Variants in PDE6H observed in about 807,000 individuals in gnomAD.
The protein encoded by PDE6H is retinal cone rhodopsin-sensitive cGMP 3',5'-cyclic phosphodiesterase subunit gamma.
In PDE6H, 11 loss-of-function variants were observed where a neutral mutation model predicts 9.2. The ratio of observed to expected loss-of-function variants is 1.19; its 90% CI spans 0.75 to 1.97. PDE6H has a LOEUF of 1.97. Among genes scored for constraint, PDE6H ranks in the 30% most tolerant of loss-of-function variants. PDE6H has a pLI of 0.00. For missense variants in PDE6H, 98 were observed against 101.5 expected (o/e 0.97, Z 0.15); for synonymous variants, 36 against 33.6 (o/e 1.07, Z -0.25).
intron 3 of PDE6H, among the ~76,000 whole-genome samples, chr12:14,980,225 C>T (rs1459701094): frequency 6.6e-6 from 1 of 152,176 alleles, no homozygotes; most frequent in Non-Finnish European, 1.5e-5. Flanking sequence ...TAGTTAGACT[C>T]ATACAGTATA....
At chr12:14,975,277 A>G (rs1395287311) in intron 1 of PDE6H, among the ~76,000 whole-genome samples, 1 of 152,202 alleles carries the variant, frequency 6.6e-6, no homozygotes, top group Non-Finnish European at 1.5e-5. Context: ...ATGACTTTTT[A>G]AAGTATAAAT....
At chr12:14,980,283 T>G (rs527285483) in intron 3 of PDE6H, among the ~76,000 whole-genome samples, 55 of 152,332 alleles carry the variant, frequency 3.6e-4, no homozygotes, top group African/African-American at 1.3e-3. Flanking sequence ...TCATTTAAGG[T>G]TTCTCCATGT....
rs1488258366 is a variant in PDE6H, at chr12:14,981,502, A to G, written c.*26A>G. ...AGTGCCAGAGGTTCTGCCACTCTCAATGACATCTGCTGTAATTTTGGTTGC... is the reference window on the plus strand; with the variant it reads ...AGTGCCAGAGGTTCTGCCACTCTCAGTGACATCTGCTGTAATTTTGGTTGC... On this transcript the variant is annotated 3_prime_UTR_variant, in exon 4 of 4. Transcript: ENST00000266395. 1.2e-5 allele frequency: 18 copies of G among 1,544,624 alleles called. No homozygotes were observed. Among genetic ancestry groups the G allele is most frequent in the South Asian group, 2.2e-5 (2 of 89,768 alleles).
chr12:14,977,946 CT>C (rs921025869), intron 1 of PDE6H, 25 bp from the exon 2 acceptor site: 34 of 1,514,118 alleles, frequency 2.2e-5, no homozygotes, highest in East Asian at 9.0e-5. Flanking sequence ...GAAAGATCTT[CT>C]TTTTTTTATC....
intron 1 of PDE6H, among the ~76,000 whole-genome samples, chr12:14,976,124 C>T (rs112820976): frequency 6.6e-6 from 1 of 151,990 alleles, no homozygotes; most frequent in Non-Finnish European, 1.5e-5. Context: ...CTGGCCTGTT[C>T]AATTTCTAAA....
chr12:14,981,764 A>AT lies in PDE6H; in HGVS notation c.*293dup. On this transcript the variant is annotated 3_prime_UTR_variant, in exon 4 of 4. Transcript: ENST00000266395. The stretch of plus-strand genomic sequence containing the variant: ...GTTTATCTGTAAGTCCTTTAAATCT[A>AT]TTTTTGCTAGGCATTCATTATGATT... The AT allele has an allele frequency of 2.0e-6, 1 of 504,790 alleles. No homozygotes were observed. The highest frequency in any genetic ancestry group is 3.6e-6 in the Non-Finnish European group (1 of 279,436). The allele number at this position is 504,790 out of a possible 1,614,324, so 31.3% of individuals were successfully genotyped here.
At position 14,981,445 on chromosome 12, in the gene PDE6H, T is replaced by C. The variant is rs1346620125; in HGVS notation, c.221T>C (p.Leu74Ser). The change falls in exon 4 of 4, where the codon TTG becomes TCG. Residue 74 changes from leucine (L) to serine (S), a missense_variant. Physicochemically the swap from Leu to Ser is moderately radical, Grantham distance 145 (BLOSUM62 -2). Transcript: ENST00000266395. ...CPWEAFSHLELHELAQFGII is the reference protein window; with the variant it reads ...CPWEAFSHLESHELAQFGII ...TGGGAGGCATTCAGCCACCTGGAAT[T>C]GCATGAGCTCGCTCAGTTTGGGATT... 6.2e-7 allele frequency: 1 copy of C among 1,613,556 alleles called. No individual in the cohort carries two copies. Among genetic ancestry groups the C allele is most frequent in the African/African-American group, 1.3e-5 (1 of 75,046 alleles).
intron 3 of PDE6H, among the ~76,000 whole-genome samples, chr12:14,981,178 C>A (rs1447812433): frequency 6.6e-6 from 1 of 152,184 alleles, no homozygotes; most frequent in Non-Finnish European, 1.5e-5. Context: ...GGATCACCTC[C>A]CCAAAGAGGA....
At chr12:14,975,841 G>C (rs1864585603) in intron 1 of PDE6H, among the ~76,000 whole-genome samples, 1 of 126,256 alleles carries the variant, frequency 7.9e-6, no homozygotes, top group African/African-American at 3.1e-5. Flanking sequence ...TTTTTTTGGA[G>C]ACGGGGTCTT....
intron 1 of PDE6H, among the ~76,000 whole-genome samples, chr12:14,976,196 C>T (rs998389675): frequency 6.6e-6 from 1 of 152,108 alleles, no homozygotes; most frequent in Non-Finnish European, 1.5e-5. Context: ...ACACCATGCA[C>T]TGTTGTAGGT....
At chr12:14,976,913 T>C (rs939129426) in intron 1 of PDE6H, among the ~76,000 whole-genome samples, 10 of 152,202 alleles carry the variant, frequency 6.6e-5, no homozygotes, top group African/African-American at 2.2e-4. Context: ...GAAAATAACG[T>C]CATCCAAAAT....
intron 3 of PDE6H, among the ~76,000 whole-genome samples, chr12:14,979,439 A>G (rs920270404): frequency 2.6e-5 from 4 of 152,226 alleles, no homozygotes; most frequent in Non-Finnish European, 1.5e-5. Flanking sequence ...AAAATTTCAT[A>G]AACCTTCTTG....
chr12:14,980,604 C>A lies in PDE6H; in HGVS notation c.176-796C>A, dbSNP rs553771085. ...TGAATTTTCCAGCCATGTTATAAAG[C>A]AAATTTTCTATTCTTTTAGATCAAC... On this transcript the variant is annotated intron_variant, in intron 3 of 3. Coordinates refer to ENST00000266395, the MANE Select transcript of PDE6H (RefSeq NM_006205.3). 5.9e-5 allele frequency among the ~76,000 whole-genome samples: 9 copies of A among 152,282 alleles called. No individual in the cohort carries two copies. In the East Asian group the frequency reaches 1.5e-3, roughly 26 times the overall value.
chr12:14,974,402 G>A (rs1035990152), intron 1 of PDE6H, among the ~76,000 whole-genome samples: 1 of 152,152 alleles, frequency 6.6e-6, no homozygotes, highest in Non-Finnish European at 1.5e-5. Context: ...GGGATTAGTC[G>A]ACTGTTCCGG....
At position 14,981,667 on chromosome 12, in the gene PDE6H, G is replaced by A; in HGVS notation, c.*191G>A. Reference sequence around the variant, plus strand: ...CTCTCTTGCAGTACAGCTCAAAATAGTGGATGCATTTCAAACTTGACCACC... The same window carrying A: ...CTCTCTTGCAGTACAGCTCAAAATAATGGATGCATTTCAAACTTGACCACC... On this transcript the variant is annotated 3_prime_UTR_variant, in exon 4 of 4. Transcript: ENST00000266395. The A allele has an allele frequency of 1.6e-6, 1 of 630,774 alleles. No homozygotes were observed. The highest frequency in any genetic ancestry group is 2.9e-6 in the Non-Finnish European group (1 of 349,762). 39.1% of individuals were successfully genotyped at this position (630,774 alleles called of 1,614,324 possible). A position where few individuals can be genotyped will look rare whatever the true frequency, so the allele number is the denominator to read the frequency against.
At chr12:14,974,932 T>G (rs931383215) in intron 1 of PDE6H, among the ~76,000 whole-genome samples, 5 of 152,246 alleles carry the variant, frequency 3.3e-5, no homozygotes, top group Non-Finnish European at 7.3e-5. Flanking sequence ...GAACACTTTG[T>G]ACCACTCTAC....
chr12:14,980,496 T>C (rs1424039559), intron 3 of PDE6H, among the ~76,000 whole-genome samples: 1 of 152,226 alleles, frequency 6.6e-6, no homozygotes, highest in Non-Finnish European at 1.5e-5. Flanking sequence ...TGATAAACAG[T>C]AGCACTTGTA....
intron 1 of PDE6H, among the ~76,000 whole-genome samples, chr12:14,977,072 A>G (rs1864606937): frequency 6.6e-6 from 1 of 152,272 alleles, no homozygotes. Context: ...GGCATTGAAG[A>G]TTTGTGAAAA....
intron 1 of PDE6H, among the ~76,000 whole-genome samples, chr12:14,975,604 T>C (rs936282154): frequency 3.3e-5 from 5 of 151,576 alleles, no homozygotes; most frequent in Non-Finnish European, 7.4e-5. Flanking sequence ...ATTCCCAGGG[T>C]CCCAACCACA....
Sources: gnomAD v4.1 joint callset for allele counts (sites outside exome capture counted in the v4.1 genomes callset) on GRCh38, gnomAD v4.1.1 for gene constraint, MANE v1.5 for transcripts, NCBI Gene and HGNC (gene_info 2026-07-23, HGNC 2026-07-21) for gene names.